Variants in EXOC4 observed in about 807,000 individuals in gnomAD.
EXOC4 encodes SEC8-like 1.
EXOC4 carries 71 observed loss-of-function variants against 107.2 expected under a neutral mutation model. The observed-to-expected ratio is 0.66, with a 90% CI of 0.55 to 0.81. The LOEUF is 0.81. Ranked by LOEUF, EXOC4 falls within the 30% of genes least tolerant of loss-of-function variation. The pLI, the probability that EXOC4 is intolerant of heterozygous loss-of-function variation, is 0.00. For missense variants in EXOC4, 1,108 were observed against 1,189.6 expected (o/e 0.93, Z 1.01); for synonymous variants, 456 against 441.2 (o/e 1.03, Z -0.42).
Position 133,817,743 on chromosome 7 carries a change from TA to T in EXOC4, c.1734+210del, listed in dbSNP as rs575813731. Among the ~76,000 whole-genome samples the T allele has an allele frequency of 2.7e-3, 388 of 146,256 alleles. 5 individuals carry two copies. The highest frequency in any genetic ancestry group is 8.6e-3 in the African/African-American group (344 of 40,064). On this transcript the variant is annotated intron_variant, in intron 11 of 17. Transcript: ENST00000253861. ...GTTCCTTAAGATCTTTAAGGAAAAT[TA>T]AAAAAAAAAACGGTTAGCTTTGGAT... is the stretch of plus-strand genomic sequence containing the variant.
chr7:133,287,823 G>A lies in EXOC4; in HGVS notation c.277-1099G>A, dbSNP rs114248804. On this transcript the variant is annotated intron_variant, in intron 2 of 17. Coordinates refer to ENST00000253861, the MANE Select transcript of EXOC4 (RefSeq NM_021807.4). Reference sequence around the variant, plus strand: ...GTTGAAATTTAGTTTTGTAATCACCGGAGGCATAGTGTCAGTGAATATTTT... The same window carrying A: ...GTTGAAATTTAGTTTTGTAATCACCAGAGGCATAGTGTCAGTGAATATTTT... Among the ~76,000 whole-genome samples the A allele has an allele frequency of 9.5e-3, 1,450 of 152,242 alleles. 18 individuals are homozygous for A. The highest frequency in any genetic ancestry group is 0.034 in the African/African-American group (1,394 of 41,540).
intron 15 of EXOC4, among the ~76,000 whole-genome samples, chr7:133,998,438 G>A (rs565751995): frequency 2.0e-5 from 3 of 152,186 alleles, no homozygotes; most frequent in Non-Finnish European, 4.4e-5. Context: ...TAACAAGAAT[G>A]ATCAGTCTGT....
intron 11 of EXOC4, among the ~76,000 whole-genome samples, chr7:133,887,087 T>C (rs1306094008): frequency 6.6e-6 from 1 of 152,174 alleles, no homozygotes; most frequent in African/African-American, 2.4e-5. Flanking sequence ...TTCTAATCAT[T>C]CCCTGCTGGT....
At chr7:133,313,644 T>A (rs557501812) in intron 4 of EXOC4, among the ~76,000 whole-genome samples, 1 of 152,302 alleles carries the variant, frequency 6.6e-6, no homozygotes, top group East Asian at 1.9e-4. Flanking sequence ...AAGTAGATGT[T>A]TAATAAGCTG....
intron 17 of EXOC4, among the ~76,000 whole-genome samples, chr7:134,034,338 A>G (rs1795339397): frequency 1.3e-5 from 2 of 152,250 alleles, no homozygotes; most frequent in South Asian, 4.1e-4. Context: ...TGTGGCCTGC[A>G]TGCAAAGTGA....
At chr7:133,970,007 C>T (rs891401473) in intron 14 of EXOC4, among the ~76,000 whole-genome samples, 27 of 152,210 alleles carry the variant, frequency 1.8e-4, no homozygotes, top group African/African-American at 6.5e-4. Flanking sequence ...AAGCCCCTGA[C>T]TGGGGCTGCT....
chr7:133,520,695 T>G (rs572097491), intron 9 of EXOC4, among the ~76,000 whole-genome samples: 28 of 152,184 alleles, frequency 1.8e-4, no homozygotes, highest in Non-Finnish European at 3.2e-4. Context: ...CCATTTTTAA[T>G]TTTTCCTCCT....
intron 9 of EXOC4, among the ~76,000 whole-genome samples, chr7:133,497,490 G>C (rs187202860): frequency 6.7e-6 from 1 of 149,626 alleles, no homozygotes; most frequent in Non-Finnish European, 1.5e-5. Flanking sequence ...GCGGTGGCAT[G>C]ATTGCGGCTC....
chr7:133,576,397 G>T, intron 9 of EXOC4: 3 of 1,010,350 alleles, frequency 3.0e-6, no homozygotes, highest in Middle Eastern at 3.2e-4. Context: ...TTAATCTGTT[G>T]TCTCCGTCAC....
intron 9 of EXOC4, among the ~76,000 whole-genome samples, chr7:133,554,533 C>CT (rs1800655858): frequency 6.6e-6 from 1 of 152,116 alleles, no homozygotes; most frequent in Admixed American, 6.5e-5. Flanking sequence ...GATGCCTTTT[C>CT]TTTGACAAAA....
intron 7 of EXOC4, among the ~76,000 whole-genome samples, chr7:133,468,759 A>G (rs1798796531): frequency 6.6e-6 from 1 of 152,120 alleles, no homozygotes. Context: ...CATAGCTGTC[A>G]GTTTCTGCTG....
chr7:133,644,332 G>A (rs1802936246), intron 10 of EXOC4, among the ~76,000 whole-genome samples: 1 of 152,094 alleles, frequency 6.6e-6, no homozygotes. Flanking sequence ...ATGGTTGAGT[G>A]CCATCACTTG....
At chr7:133,334,073 A>G (rs899832136) in intron 5 of EXOC4, among the ~76,000 whole-genome samples, 1 of 152,188 alleles carries the variant, frequency 6.6e-6, no homozygotes, top group South Asian at 2.1e-4. Flanking sequence ...CAATACTTTT[A>G]GGTTCATTTG....
chr7:134,034,544 A>G (rs2116493049), intron 17 of EXOC4, among the ~76,000 whole-genome samples: 1 of 152,198 alleles, frequency 6.6e-6, no homozygotes, highest in African/African-American at 2.4e-5. Flanking sequence ...ATGAAATCTG[A>G]TGGTTTTATA....
intron 7 of EXOC4, among the ~76,000 whole-genome samples, chr7:133,380,560 C>A (rs989652559): frequency 6.6e-6 from 1 of 152,130 alleles, no homozygotes; most frequent in Non-Finnish European, 1.5e-5. Flanking sequence ...AGGTACTGAT[C>A]TACTTTTTGG....
chr7:133,704,057 G>A (rs1794718701), intron 10 of EXOC4, among the ~76,000 whole-genome samples: 1 of 152,120 alleles, frequency 6.6e-6, no homozygotes, highest in South Asian at 2.1e-4. Context: ...ACCATTAAGA[G>A]GCATGTGTTC....
intron 7 of EXOC4, among the ~76,000 whole-genome samples, chr7:133,472,591 TG>T (rs1376927999): frequency 6.6e-6 from 1 of 152,188 alleles, no homozygotes; most frequent in Admixed American, 6.5e-5. Context: ...CAGTCACAGA[TG>T]TGGGACTGGA....
At chr7:133,432,175 A>G (rs958124017) in intron 7 of EXOC4, among the ~76,000 whole-genome samples, 2 of 152,274 alleles carry the variant, frequency 1.3e-5, no homozygotes, top group East Asian at 1.9e-4. Flanking sequence ...CTTTTGGTTC[A>G]GGTAAAAAAG....
intron 1 of EXOC4, among the ~76,000 whole-genome samples, chr7:133,272,041 C>G (rs1793884760): frequency 6.6e-6 from 1 of 152,132 alleles, no homozygotes; most frequent in South Asian, 2.1e-4. Context: ...GCTGCCATTA[C>G]TACTGTTATT....
Sources: allele counts gnomAD v4.1 joint callset (sites outside exome capture counted in the v4.1 genomes callset), GRCh38; gene constraint gnomAD v4.1.1; transcripts MANE v1.5; gene names NCBI Gene and HGNC (gene_info 2026-07-23, HGNC 2026-07-21).